The following CSTPP1 variants were observed in gnomAD, a reference collection of about 807,000 sequenced individuals.
The protein encoded by CSTPP1 is centriolar satellite-associated tubulin polyglutamylase complex regulator 1.
chr11:47,009,185 ATTC>A, the CSTPP1 span, among the ~76,000 whole-genome samples: 3 of 152,172 alleles, frequency 2.0e-5, no homozygotes, highest in African/African-American at 7.2e-5. Context: ...TGGCCTTGTC[ATTC>A]TTCATTTGCC....
the CSTPP1 span, among the ~76,000 whole-genome samples, chr11:47,050,376 C>T: frequency 6.6e-6 from 1 of 152,144 alleles, no homozygotes; most frequent in Non-Finnish European, 1.5e-5. Context: ...AAGATGAGTA[C>T]AGCCTAAGTG....
the CSTPP1 span, among the ~76,000 whole-genome samples, chr11:47,102,008 G>A: frequency 1.3e-5 from 2 of 152,098 alleles, no homozygotes; most frequent in African/African-American, 2.4e-5. Context: ...AATCACTACC[G>A]TCCTCTGGAG....
chr11:47,026,338 C>CT, the CSTPP1 span, among the ~76,000 whole-genome samples: 1 of 152,132 alleles, frequency 6.6e-6, no homozygotes, highest in East Asian at 1.9e-4. Context: ...AGGCAAGCTC[C>CT]TGGAAGCTCT....
the CSTPP1 span, among the ~76,000 whole-genome samples, chr11:47,144,862 C>T: frequency 1.3e-5 from 2 of 152,086 alleles, no homozygotes; most frequent in African/African-American, 2.4e-5. Context: ...ACCACATCCC[C>T]AGAGTTCAGT....
At chr11:46,976,865 C>T in the CSTPP1 span, among the ~76,000 whole-genome samples, 5 of 152,112 alleles carry the variant, frequency 3.3e-5, no homozygotes, top group African/African-American at 1.2e-4. Flanking sequence ...GTTTTGCTTC[C>T]TGAGAATACT....
chr11:47,037,416 C>T, the CSTPP1 span, among the ~76,000 whole-genome samples: 1 of 117,886 alleles, frequency 8.5e-6, no homozygotes. Flanking sequence ...ATTGATCATT[C>T]TTGGGTGTTT....
the CSTPP1 span, among the ~76,000 whole-genome samples, chr11:47,042,753 T>C: frequency 2.0e-5 from 3 of 152,306 alleles, no homozygotes; most frequent in East Asian, 1.9e-4. Context: ...CTTTAAGATA[T>C]TTTTAGGAAC....
At chr11:47,164,054 G>T in the CSTPP1 span, 1 of 1,575,576 alleles carries the variant, frequency 6.3e-7, no homozygotes. Context: ...GCGAGTTAAA[G>T]GGCCAACTAA....
the CSTPP1 span, among the ~76,000 whole-genome samples, chr11:47,097,226 G>C: frequency 8.6e-5 from 9 of 105,082 alleles, no homozygotes; most frequent in African/African-American, 2.6e-4. Context: ...CCCCTACTGG[G>C]AAGTGAGGAG....
chr11:46,961,669 T>C, the CSTPP1 span, among the ~76,000 whole-genome samples: 1 of 152,236 alleles, frequency 6.6e-6, no homozygotes, highest in African/African-American at 2.4e-5. Flanking sequence ...CAAAACTTTG[T>C]ACCTATTTTT....
the CSTPP1 span, among the ~76,000 whole-genome samples, chr11:47,086,234 C>CAAAAAATACAAAA: frequency 2.2e-5 from 2 of 89,406 alleles, no homozygotes; most frequent in South Asian, 4.2e-4. Context: ...ACTAAAAATC[C>CAAAAAATACAAAA]AAAAAAAAAA....
At chr11:47,138,979 C>CAAAAAAAAAAAAAA in the CSTPP1 span, among the ~76,000 whole-genome samples, 2 of 40,898 alleles carry the variant, frequency 4.9e-5, no homozygotes, top group African/African-American at 9.8e-5. Flanking sequence ...GACTCCGTCT[C>CAAAAAAAAAAAAAA]AAAAAAAAAA....
At chr11:47,107,568 C>T in the CSTPP1 span, among the ~76,000 whole-genome samples, 1 of 152,014 alleles carries the variant, frequency 6.6e-6, no homozygotes, top group African/African-American at 2.4e-5. Context: ...CTCTATTTGG[C>T]ACCAGTTTCC....
chr11:47,038,701 C>G, the CSTPP1 span, among the ~76,000 whole-genome samples: 1 of 124,010 alleles, frequency 8.1e-6, no homozygotes, highest in Non-Finnish European at 1.9e-5. Context: ...ACCTCCCTGC[C>G]GGACGAGGTG....
the CSTPP1 span, among the ~76,000 whole-genome samples, chr11:47,095,454 G>A: frequency 1.1e-4 from 17 of 152,202 alleles, no homozygotes; most frequent in Admixed American, 4.6e-4. Flanking sequence ...TCCCTTCAAA[G>A]CCTTAAATGA....
chr11:46,959,371 G>A, the CSTPP1 span, among the ~76,000 whole-genome samples: 1 of 151,944 alleles, frequency 6.6e-6, no homozygotes. Flanking sequence ...TAATATTCCT[G>A]TTTTTAGTAG....
chr11:46,983,308 A>T, the CSTPP1 span, among the ~76,000 whole-genome samples: 2 of 152,198 alleles, frequency 1.3e-5, no homozygotes, highest in East Asian at 3.9e-4. Context: ...TCAAGTAAGG[A>T]TCATATAGTG....
the CSTPP1 span, among the ~76,000 whole-genome samples, chr11:47,158,425 GT>G: frequency 6.6e-6 from 1 of 151,848 alleles, no homozygotes; most frequent in Admixed American, 6.6e-5. Flanking sequence ...CCTGCCTGCT[GT>G]TTTTTTTCAC....
chr11:46,996,993 T>C, the CSTPP1 span, among the ~76,000 whole-genome samples: 3 of 152,218 alleles, frequency 2.0e-5, no homozygotes, highest in East Asian at 5.8e-4. Context: ...TAACATTTTT[T>C]CCTTCATTTC....
Sources: gnomAD v4.1 joint callset for allele counts (sites outside exome capture counted in the v4.1 genomes callset) on GRCh38, gnomAD v4.1.1 for gene constraint, MANE v1.5 for transcripts, NCBI Gene and HGNC (gene_info 2026-07-23, HGNC 2026-07-21) for gene names.